Variants in CEACAM4 observed in about 807,000 individuals in gnomAD.
CEACAM4 encodes the protein CEA cell adhesion molecule 4.
A neutral mutation model predicts 28.7 loss-of-function variants in CEACAM4; 30 were observed. That is an observed-to-expected ratio of 1.05 (90% confidence interval 0.78 to 1.42). CEACAM4 has a LOEUF of 1.42. CEACAM4 is among the 40% of genes most tolerant of loss of function. The pLI is 0.00. For missense variants in CEACAM4, 330 were observed against 308.2 expected, an observed-to-expected ratio of 1.07 and a Z score of -0.53; for synonymous variants, 143 against 126.5, an observed-to-expected ratio of 1.13 and a Z score of -0.87.
chr19:41,615,441 T>A (rs528316238), downstream of CEACAM4, among the ~76,000 whole-genome samples: 1 of 152,112 alleles, frequency 6.6e-6, no homozygotes, highest in South Asian at 2.1e-4. Context: ...GTGATTCTTG[T>A]CAGACACGTG....
chr19:41,619,681 G>C lies in CEACAM4; in HGVS notation c.658C>G (p.Pro220Ala). 1 of 1,594,404 alleles carries C rather than the reference G, an allele frequency of 6.3e-7. No homozygotes were observed. Among genetic ancestry groups the C allele is most frequent in the Non-Finnish European group, 8.5e-7 (1 of 1,169,936 alleles). Reference protein sequence around the residue: ...APLPSPRTATPIYEELLYSDA... With the variant: ...APLPSPRTATAIYEELLYSDA... ...TGGCCCACACTCACCTCATAGATGG[G>C]AGTGGCTGTTCTGGGGCTGGGTAGA... The change falls in exon 6 of 7, where the codon CCC becomes GCC. Residue 220 changes from proline to alanine, a missense_variant. Transcript: ENST00000221954.
At position 41,620,581 on chromosome 19, in the gene CEACAM4, T is replaced by C. The variant is rs945624661; in HGVS notation, c.589A>G (p.Thr197Ala). 15 of 1,611,810 alleles carry C rather than the reference T, an allele frequency of 9.3e-6. No individual in the cohort carries two copies. Among genetic ancestry groups the C allele is most frequent in the Non-Finnish European group, 1.3e-5 (15 of 1,178,894 alleles). Residue 197 changes from threonine to alanine, a missense_variant, in exon 4 of 7, where the codon ACC (threonine) becomes GCC (alanine). Physicochemically the swap from Thr to Ala is moderately conservative, Grantham distance 58. Coordinates refer to ENST00000221954, the MANE Select transcript of CEACAM4 (RefSeq NM_001817.4). ...DLREQPPPASTPGHGPSHRST... is the reference protein window; with the variant it reads ...DLREQPPPASAPGHGPSHRST... ...GGGCTGAAGGGACACTCACCAGGGGTGGAGGCTGGGGGCGGCTGCTCCCTG... is the reference window on the plus strand; with the variant it reads ...GGGCTGAAGGGACACTCACCAGGGGCGGAGGCTGGGGGCGGCTGCTCCCTG...
chr19:41,626,063 AGT>A (rs61710351), intron 1 of CEACAM4, 103 bp from the exon 2 acceptor site: 11,760 of 648,826 alleles, frequency 0.018, 92 homozygotes, highest in African/African-American at 0.039. Context: ...TCAGCCTTGG[AGT>A]GTGTGTGTGT....
chr19:41,624,112 G>C (rs1030239852), intron 2 of CEACAM4, among the ~76,000 whole-genome samples: 4 of 152,148 alleles, frequency 2.6e-5, no homozygotes, highest in Non-Finnish European at 5.9e-5. Flanking sequence ...TCTCTGAAGA[G>C]GTTATAGATC....
chr19:41,623,458 T>C (rs2071443853), intron 2 of CEACAM4, among the ~76,000 whole-genome samples: 2 of 149,408 alleles, frequency 1.3e-5, no homozygotes, highest in Non-Finnish European at 3.0e-5. Context: ...TAGTCTGTCT[T>C]GTAGTTTTTG....
chr19:41,616,154 C>T (rs550511541), downstream of CEACAM4, among the ~76,000 whole-genome samples: 15 of 152,136 alleles, frequency 9.9e-5, no homozygotes, highest in East Asian at 9.7e-4. Context: ...CTCAGCCTCC[C>T]GAACAGCCAG....
chr19:41,616,508 GATA>G (rs2122401436), downstream of CEACAM4, among the ~76,000 whole-genome samples: 1 of 144,418 alleles, frequency 6.9e-6, no homozygotes, highest in South Asian at 2.3e-4. Context: ...TAGATAGATA[GATA>G]GATAGATAGA....
intron 1 of CEACAM4, 127 bp downstream of exon 1, chr19:41,626,773 G>A (rs2071691818): frequency 1.5e-5 from 10 of 676,224 alleles, no homozygotes; most frequent in Middle Eastern, 2.5e-4. Context: ...TCCAACAGAG[G>A]CCCTCAGTCC....
chr19:41,619,634 G>C, intron 6 of CEACAM4, 36 bp downstream of exon 6: 1 of 1,579,896 alleles, frequency 6.3e-7, no homozygotes. Flanking sequence ...GTCCCCTGGA[G>C]CCTGCGGGAC....
intron 2 of CEACAM4, among the ~76,000 whole-genome samples, chr19:41,622,853 T>TATAGGTAG (rs2071384928): frequency 7.6e-6 from 1 of 132,244 alleles, no homozygotes; most frequent in South Asian, 2.5e-4. Context: ...TATACATATA[T>TATAGGTAG]ATAGATAGAT....
At chr19:41,625,318 A>G (rs1286982934) in intron 2 of CEACAM4, among the ~76,000 whole-genome samples, 12 of 152,048 alleles carry the variant, frequency 7.9e-5, no homozygotes, top group Non-Finnish European at 1.8e-4. Context: ...GGTCTTTCTC[A>G]GGGTCAGGTT....
rs781837399 is a variant in CEACAM4, at chr19:41,619,515, G to A, written c.670-120C>T. 3.5e-4 allele frequency: 553 copies of A among 1,558,678 alleles called. 1 individual carries two copies. The highest frequency in any genetic ancestry group is 4.6e-4 in the Non-Finnish European group (532 of 1,148,170). ...GGCTGAACCTGGCTGTGCTCAGGGG[G>A]TCCCTGTTCCCAGGCCCCTCCCTCC... On this transcript the variant is annotated intron_variant, in intron 6 of 6. Coordinates refer to ENST00000221954, the MANE Select transcript of CEACAM4 (RefSeq NM_001817.4).
At chr19:41,613,795 A>C in the CEACAM4 span, among the ~76,000 whole-genome samples, 5 of 152,144 alleles carry the variant, frequency 3.3e-5, no homozygotes, top group Admixed American at 1.3e-4. Context: ...CAGTTGTATA[A>C]ATCAGATATC....
downstream of CEACAM4, among the ~76,000 whole-genome samples, chr19:41,618,238 G>A (rs1413315473): frequency 6.6e-6 from 1 of 152,178 alleles, no homozygotes; most frequent in African/African-American, 2.4e-5. Context: ...CGCCATGGGA[G>A]CCTGCATGAG....
intron 6 of CEACAM4, 75 bp from the exon 7 acceptor site, chr19:41,619,470 C>T: frequency 1.9e-6 from 3 of 1,593,830 alleles, no homozygotes; most frequent in Non-Finnish European, 2.6e-6. Context: ...AGGCTCTGGG[C>T]CCACCCAGGG....
downstream of CEACAM4, chr19:41,618,948 G>A (rs911478553): frequency 1.8e-5 from 4 of 227,538 alleles, no homozygotes; most frequent in East Asian, 9.9e-5. Context: ...TGTGTGACCC[G>A]GGAGAGAATG....
At chr19:41,615,074 G>A (rs987987234), downstream of CEACAM4, among the ~76,000 whole-genome samples, 2 of 152,144 alleles carry the variant, frequency 1.3e-5, no homozygotes, top group Non-Finnish European at 2.9e-5. Flanking sequence ...CACCCAGGAT[G>A]CAGCTGAGGA....
downstream of CEACAM4, among the ~76,000 whole-genome samples, chr19:41,616,053 G>C (rs1210086778): frequency 3.3e-5 from 5 of 152,092 alleles, no homozygotes; most frequent in Non-Finnish European, 7.4e-5. Context: ...GTTTTTAGAT[G>C]GAGCCTCACT....
intron 2 of CEACAM4, among the ~76,000 whole-genome samples, 165 bp from the exon 3 acceptor site, chr19:41,621,933 T>C (rs2071317754): frequency 6.6e-6 from 1 of 152,162 alleles, no homozygotes; most frequent in African/African-American, 2.4e-5. Context: ...CTCTCCACGG[T>C]TGCACCATTT....
Sources: allele counts gnomAD v4.1 joint callset (sites outside exome capture counted in the v4.1 genomes callset), GRCh38; gene constraint gnomAD v4.1.1; transcripts MANE v1.5; gene names NCBI Gene and HGNC (gene_info 2026-07-23, HGNC 2026-07-21).